The following AP3B2 variants were observed in gnomAD, a reference collection of about 807,000 sequenced individuals.
AP3B2 encodes the protein adaptor related protein complex 3 subunit beta 2.
Under a neutral mutation model 126.9 loss-of-function variants are expected in AP3B2, and 50 were observed. That is an observed-to-expected ratio of 0.39 (90% CI 0.31 to 0.50). The LOEUF (loss-of-function observed/expected upper bound fraction) is 0.50, where lower values mean the gene tolerates loss of function less well. AP3B2 is among the 20% of genes least tolerant of loss of function. AP3B2 has a pLI of 0.79. For synonymous variants in AP3B2, 541 were observed against 565.0 expected, an observed-to-expected ratio of 0.96 and a Z score of 0.60; for missense variants, 1,177 against 1,426.4, an observed-to-expected ratio of 0.83 and a Z score of 2.82.
At position 82,663,516 on chromosome 15, in the gene AP3B2, C is replaced by T; in HGVS notation, c.2497+44G>A. The T allele has an allele frequency of 5.0e-6, 8 of 1,599,460 alleles. No individual in the cohort carries two copies. In the South Asian group the frequency reaches 8.9e-5, roughly 18 times the overall value. On this transcript the variant is annotated intron_variant, in intron 21 of 26. Coordinates refer to ENST00000535359, the MANE Select transcript of AP3B2 (RefSeq NM_001278512.2). ...CCTATGGGCTGTTCTAATTCATGCT[C>T]CCCAGGCCTCCTTTCCCCTGTGACT...
chr15:82,690,225 G>A (rs2048503301), intron 1 of AP3B2, among the ~76,000 whole-genome samples: 1 of 148,956 alleles, frequency 6.7e-6, no homozygotes, highest in Admixed American at 6.7e-5. Flanking sequence ...CAACCCAATT[G>A]TTGTACTTTT....
chr15:82,664,839 G>A lies in AP3B2; in HGVS notation c.2133C>T (p.Asp711=). ...EGESGPTESA[D]SDPESESESD... ...CCAGCTCTGCCATCTGCTCACCACT[G>A]TCTGCGGACTCCGTGGGGCCTGACT... Residue 711 remains aspartate, a synonymous_variant, in exon 18 of 27, where the codon GAC becomes GAT. Coordinates refer to ENST00000535359, the MANE Select transcript of AP3B2 (RefSeq NM_001278512.2). The surrounding 1 kb of genome is among the most constrained non-coding windows in gnomAD (Gnocchi z 4.5). The A allele has an allele frequency of 6.3e-7, 1 of 1,589,930 alleles. No individual in the cohort carries two copies. Among genetic ancestry groups the A allele is most frequent in the Non-Finnish European group, 8.6e-7 (1 of 1,167,206 alleles).
intron 4 of AP3B2, chr15:82,685,188 T>TA: frequency 6.6e-6 from 1 of 152,294 alleles, no homozygotes; most frequent in Non-Finnish European, 1.5e-5. Context: ...CCATAACATA[T>TA]AATAATCATT....
intron 21 of AP3B2, 140 bp from the exon 22 acceptor site, chr15:82,663,373 C>G: frequency 2.1e-6 from 2 of 968,026 alleles, no homozygotes; most frequent in Non-Finnish European, 1.6e-6. Context: ...GCAAAATACC[C>G]ATTCCTAGAC....
At position 82,666,946 on chromosome 15, in the gene AP3B2, G is replaced by A. The variant is rs773057635; in HGVS notation, c.1666-13C>T. The A allele has an allele frequency of 9.9e-5, 159 of 1,602,092 alleles. No homozygotes were observed. In the East Asian group the frequency reaches 3.5e-3, roughly 35 times the overall value. ...TCAGCAGCTTGGTCTGGAGGAACAG[G>A]AAGAGGTGGGTCAGCTGACGGGGGG... is the stretch of plus-strand genomic sequence containing the variant. On this transcript the variant is annotated splice_polypyrimidine_tract_variant and intron_variant, in intron 14 of 26. Coordinates refer to ENST00000535359, the MANE Select transcript of AP3B2 (RefSeq NM_001278512.2).
chr15:82,692,159 A>G (rs530359805), intron 1 of AP3B2: 54 of 1,485,104 alleles, frequency 3.6e-5, no homozygotes, highest in African/African-American at 1.3e-4. Context: ...GGCCATAATC[A>G]TAACTATTTC....
At chr15:82,682,785 G>A (rs1033745183) in intron 4 of AP3B2, among the ~76,000 whole-genome samples, 1 of 151,622 alleles carries the variant, frequency 6.6e-6, no homozygotes, top group Non-Finnish European at 1.5e-5. Flanking sequence ...ATAGCATTAT[G>A]TCTTTAAAAA....
intron 1 of AP3B2, among the ~76,000 whole-genome samples, chr15:82,697,205 G>T (rs1178276845): frequency 6.6e-6 from 1 of 152,088 alleles, no homozygotes; most frequent in Non-Finnish European, 1.5e-5. Flanking sequence ...GTGGTGGCGG[G>T]CGTCTGTAGT....
At chr15:82,671,920 T>C (rs1596174762) in intron 14 of AP3B2, among the ~76,000 whole-genome samples, 1 of 151,932 alleles carries the variant, frequency 6.6e-6, no homozygotes, top group African/African-American at 2.4e-5. Flanking sequence ...GGCGGGCGCC[T>C]GTAATCCCAG....
rs1156739301 is a variant in AP3B2 at position 82,661,848 on chromosome 15, T to C, written c.2993A>G (p.Glu998Gly). 1 of 1,613,590 alleles carries C rather than the reference T, an allele frequency of 6.2e-7. No individual in the cohort carries two copies. The highest frequency in any genetic ancestry group is 2.2e-5 in the East Asian group (1 of 44,874). The change falls in exon 25 of 27, where the codon GAA becomes GGA. Residue 998 changes from glutamate to glycine, a missense_variant. Physicochemically the swap from Glu to Gly is moderately conservative, Grantham distance 98 (BLOSUM62 -2). Around this residue, in one of 5 missense-constraint regions of AP3B2, gnomAD observed 587 missense variants for 571.3 expected, o/e 1.03. Transcript: ENST00000535359. ...ACCCTGTTCCTTCTTAAACTCATTT[T>C]CACTCATGAACACAGGGGCCATCAG... ...GELMAPVFMS[E>G]NEFKKEQGKL... is the part of the protein sequence containing the mutation.
rs752479158 is a variant in AP3B2 at position 82,680,780 on chromosome 15, G to GT, written c.772-26dup. 1.6e-5 allele frequency: 25 copies of GT among 1,603,478 alleles called. No homozygotes were observed. In the South Asian group the frequency reaches 2.3e-4, roughly 15 times the overall value. ...CCTGGACGGGGAGACCGACGGGTCT[G>GT]TGGGCGCCTCCCCGGGACACACTTC... is the stretch of plus-strand genomic sequence containing the variant. On this transcript the variant is annotated intron_variant, in intron 7 of 26. Coordinates refer to ENST00000535359, the MANE Select transcript of AP3B2 (RefSeq NM_001278512.2). The surrounding 1 kb of genome is among the most constrained non-coding windows in gnomAD (Gnocchi z 6.1).
Position 82,664,994 on chromosome 15 carries a change from G to A in AP3B2, c.2029-51C>T, listed in dbSNP as rs2048027043. Reference sequence around the variant, plus strand: ...TCATTTCATCATGGTTGGGGAGAAGGCAGGCAGGCACAAGCCCTTACCCTT... The same window carrying A: ...TCATTTCATCATGGTTGGGGAGAAGACAGGCAGGCACAAGCCCTTACCCTT... On this transcript the variant is annotated intron_variant, in intron 17 of 26. Transcript: ENST00000535359. The surrounding 1 kb of genome is among the most constrained non-coding windows in gnomAD (Gnocchi z 4.5). 8.6e-6 allele frequency: 12 copies of A among 1,394,668 alleles called. No homozygotes were observed. Among genetic ancestry groups the A allele is most frequent in the Non-Finnish European group, 1.2e-5 (12 of 999,938 alleles). 86.4% of individuals were successfully genotyped at this position (1,394,668 alleles called of 1,614,324 possible). A position where few individuals can be genotyped will look rare whatever the true frequency, so the allele number is the denominator to read the frequency against.
chr15:82,677,751 A>T lies in AP3B2; in HGVS notation c.1298T>A (p.Ile433Asn). ...GCCGATGTTAGTTGCACAGCGTCCA[A>T]TGGCCTGGATTGTGGCTGCCACAAA... ...KDFVAATIQA[I>N]GRCATNIGRV... The change falls in exon 12 of 27, where the codon ATT (isoleucine) becomes AAT (asparagine). Residue 433 changes from isoleucine (I) to asparagine (N), a missense_variant. Around this residue, in one of 5 missense-constraint regions of AP3B2, gnomAD observed 308 missense variants for 452.4 expected, o/e 0.68. Coordinates refer to ENST00000535359, the MANE Select transcript of AP3B2 (RefSeq NM_001278512.2). 2 of 1,612,660 alleles carry T rather than the reference A, an allele frequency of 1.2e-6. No homozygotes were observed. Among genetic ancestry groups the T allele is most frequent in the Non-Finnish European group, 1.7e-6 (2 of 1,179,150 alleles).
chr15:82,706,865 T>C (rs1407442889), intron 1 of AP3B2, among the ~76,000 whole-genome samples: 7 of 152,144 alleles, frequency 4.6e-5, no homozygotes, highest in Non-Finnish European at 8.8e-5. Context: ...ATTCTACTAC[T>C]CCTCAGGGAT....
chr15:82,694,132 T>C (rs1266165762), intron 1 of AP3B2, among the ~76,000 whole-genome samples: 1 of 152,028 alleles, frequency 6.6e-6, no homozygotes, highest in Non-Finnish European at 1.5e-5. Context: ...GCCTCCTAAA[T>C]AGCTGAGATT....
At position 82,680,266 on chromosome 15, in the gene AP3B2, C is replaced by T. The variant is rs771874408; in HGVS notation, c.1056-37G>A. 6.2e-7 allele frequency: 1 copy of T among 1,612,792 alleles called. No individual in the cohort carries two copies. Among genetic ancestry groups the T allele is most frequent in the South Asian group, 1.1e-5 (1 of 91,020 alleles). On this transcript the variant is annotated intron_variant, in intron 8 of 26. Coordinates refer to ENST00000535359, the MANE Select transcript of AP3B2 (RefSeq NM_001278512.2). This position sits in a 1 kb window ranked among gnomAD's most constrained non-coding sequence, Gnocchi z 6.1. ...ACGGGTCAGAGCACCCCGGGCCCCT[C>T]GGTTGGGGCAAGGGTCAGCGGATGA...
At position 82,680,774 on chromosome 15, in the gene AP3B2, G is replaced by T; in HGVS notation, c.772-19C>A. The T allele has an allele frequency of 6.3e-7, 1 of 1,598,786 alleles. No homozygotes were observed. The highest frequency in any genetic ancestry group is 8.5e-7 in the Non-Finnish European group (1 of 1,173,056). On this transcript the variant is annotated intron_variant, in intron 7 of 26. Transcript: ENST00000535359. This position sits in a 1 kb window ranked among gnomAD's most constrained non-coding sequence, Gnocchi z 6.1. The stretch of plus-strand genomic sequence containing the variant: ...GGGATTCCTGGACGGGGAGACCGAC[G>T]GGTCTGTGGGCGCCTCCCCGGGACA...
At chr15:82,673,147 T>C (rs768277039) in intron 14 of AP3B2, among the ~76,000 whole-genome samples, 11 of 152,380 alleles carry the variant, frequency 7.2e-5, no homozygotes, top group Non-Finnish European at 1.6e-4. Context: ...TAATTTATTA[T>C]GTAGCAGAAA....
intron 10 of AP3B2, among the ~76,000 whole-genome samples, chr15:82,678,408 G>A (rs1310918757): frequency 2.6e-5 from 4 of 152,140 alleles, no homozygotes; most frequent in African/African-American, 7.2e-5. Context: ...CCTCCCTACT[G>A]CATTGAAAAC....
Sources: gnomAD v4.1 joint callset for allele counts (sites outside exome capture counted in the v4.1 genomes callset) on GRCh38, gnomAD v4.1.1 for gene constraint, gnomAD v4.1.1 regional missense constraint, Gnocchi (gnomAD v3.1) non-coding constraint, MANE v1.5 for transcripts, NCBI Gene and HGNC (gene_info 2026-07-23, HGNC 2026-07-21) for gene names.